The following ANO6 variants were observed in gnomAD, a reference collection of about 807,000 sequenced individuals.
ANO6 encodes anoctamin 6, also known as anoctamin-6.
ANO6 carries 106 observed loss-of-function variants against 117.5 expected under a neutral mutation model. That is an observed-to-expected ratio of 0.90 (90% CI 0.77 to 1.06). The LOEUF is 1.06. Ranked by LOEUF, ANO6 falls within the 50% of genes least tolerant of loss-of-function variation. The pLI is 0.00. For missense variants in ANO6, 955 were observed against 1,121.1 expected, an observed-to-expected ratio of 0.85 and a Z score of 2.12; for synonymous variants, 367 against 385.1, an observed-to-expected ratio of 0.95 and a Z score of 0.55.
chr12:45,388,016 C>T (rs1030429755), intron 10 of ANO6, 145 bp from the exon 11 acceptor site: 1 of 1,101,876 alleles, frequency 9.1e-7, no homozygotes, highest in Non-Finnish European at 1.3e-6. Flanking sequence ...AACCTCTTTC[C>T]TTTATGAATT....
rs900569685 is a variant in ANO6 at position 45,252,352 on chromosome 12, A to G, written c.70+35961A>G. On this transcript the variant is annotated intron_variant, in intron 1 of 19. Coordinates refer to ENST00000320560, the MANE Select transcript of ANO6 (RefSeq NM_001025356.3). ...GAGACTTGTATTTATCCTCAGTATA[A>G]CAGGTGGTGGCGTAAAGGGTTGAAA... 3.3e-5 allele frequency among the ~76,000 whole-genome samples: 5 copies of G among 152,350 alleles called. No homozygotes were observed. The East Asian group carries it at 9.6e-4, about 29-fold the overall frequency.
At chr12:45,296,422 C>T (rs1249273805) in intron 1 of ANO6, among the ~76,000 whole-genome samples, 4 of 152,212 alleles carry the variant, frequency 2.6e-5, no homozygotes, top group African/African-American at 9.6e-5. Flanking sequence ...ACACGAATGT[C>T]TTTAACCACT....
chr12:45,407,103 AAC>A (rs1417903030), intron 15 of ANO6, among the ~76,000 whole-genome samples: 1 of 152,140 alleles, frequency 6.6e-6, no homozygotes, highest in Non-Finnish European at 1.5e-5. Context: ...CTGCACTAGA[AAC>A]ACAGACCAAT....
Position 45,416,813 on chromosome 12 carries a change from A to T in ANO6, c.2126A>T (p.Gln709Leu). ...IRVDAWKLTT[Q>L]FRRLVPEKAQ... ...GTGGACGCATGGAAACTGACCACCC[A>T]GTTTAGACGCCTGGTACCAGAGAAA... is the stretch of plus-strand genomic sequence containing the variant. The change falls in exon 17 of 20, where the codon CAG becomes CTG. Residue 709 changes from glutamine (Q) to leucine (L), a missense_variant. Transcript: ENST00000320560. 1 of 1,614,162 alleles carries T rather than the reference A, an allele frequency of 6.2e-7. No homozygotes were observed. Among genetic ancestry groups the T allele is most frequent in the Non-Finnish European group, 8.5e-7 (1 of 1,180,026 alleles).
chr12:45,324,505 T>C (rs528293143), intron 2 of ANO6, among the ~76,000 whole-genome samples: 1 of 152,296 alleles, frequency 6.6e-6, no homozygotes, highest in African/African-American at 2.4e-5. Context: ...TCGTCTGAGA[T>C]TATGGCCCAG....
chr12:45,401,670 T>G lies in ANO6; in HGVS notation c.1387-125T>G, dbSNP rs561341896. The G allele has an allele frequency of 4.9e-6, 4 of 811,370 alleles. No individual in the cohort carries two copies. In the East Asian group the frequency reaches 1.0e-4, roughly 21 times the overall value. The allele number at this position is 811,370 out of a possible 1,614,324, so 50.3% of individuals were successfully genotyped here. ...AACATGCCAGACTTTCTACCACCGC[T>G]GGTATCACTTATGTGAGATTTACAT... is the stretch of plus-strand genomic sequence containing the variant. On this transcript the variant is annotated intron_variant, in intron 12 of 19. Transcript: ENST00000320560.
chr12:45,302,209 A>G, intron 2 of ANO6, 116 bp downstream of exon 2: 6 of 914,992 alleles, frequency 6.6e-6, no homozygotes, highest in Non-Finnish European at 8.8e-6. Context: ...TCCTACATAG[A>G]TCTTATTGCA....
chr12:45,379,738 A>G (rs988780547), intron 10 of ANO6, among the ~76,000 whole-genome samples: 2 of 152,198 alleles, frequency 1.3e-5, no homozygotes. Flanking sequence ...CAAGCCTCAA[A>G]TTTACTAGCT....
At chr12:45,230,376 A>G (rs1947556769) in intron 1 of ANO6, among the ~76,000 whole-genome samples, 1 of 151,482 alleles carries the variant, frequency 6.6e-6, no homozygotes, top group Non-Finnish European at 1.5e-5. Flanking sequence ...TGTAGGGATA[A>G]TACAGAAGGG....
At chr12:45,342,769 C>T (rs941528979) in intron 3 of ANO6, among the ~76,000 whole-genome samples, 10 of 152,158 alleles carry the variant, frequency 6.6e-5, no homozygotes, top group African/African-American at 2.2e-4. Flanking sequence ...GATTAAAAGA[C>T]ACCACTGAAG....
At chr12:45,335,765 A>G (rs1180131759) in intron 3 of ANO6, 1 of 151,984 alleles carries the variant, frequency 6.6e-6, no homozygotes, top group Non-Finnish European at 1.5e-5. Context: ...ACTTTTTCCA[A>G]TTACTGAAAA....
Position 45,431,562 on chromosome 12 carries a change from G to A in ANO6, c.*2251G>A, listed in dbSNP as rs554543328. 2 of 985,300 alleles carry A rather than the reference G, an allele frequency of 2.0e-6. No homozygotes were observed. Among genetic ancestry groups the A allele is most frequent in the Non-Finnish European group, 2.4e-6 (2 of 829,942 alleles). The allele number at this position is 985,300 out of a possible 1,614,324, so 61.0% of individuals were successfully genotyped here. ...AAAAAAACCCTCTACATATTGAAAG[G>A]CACCAAATGTAATATCTGACACTGT... On this transcript the variant is annotated 3_prime_UTR_variant, in exon 20 of 20. Coordinates refer to ENST00000320560, the MANE Select transcript of ANO6 (RefSeq NM_001025356.3).
rs115058478 is a variant in ANO6 at position 45,324,317 on chromosome 12, A to G, written c.151-6978A>G. Among the ~76,000 whole-genome samples the G allele has an allele frequency of 9.6e-3, 1,465 of 152,334 alleles. 25 individuals carry two copies. Among genetic ancestry groups the G allele is most frequent in the African/African-American group, 0.033 (1,379 of 41,570 alleles). ...GCATCCCTATTTCCACACCACAAAG[A>G]ACAGCCATTCTTGTAAACTGCTTTT... On this transcript the variant is annotated intron_variant, in intron 2 of 19. Transcript: ENST00000320560.
chr12:45,371,760 G>A (rs1180219940), intron 9 of ANO6, among the ~76,000 whole-genome samples: 11 of 152,296 alleles, frequency 7.2e-5, no homozygotes, highest in East Asian at 1.9e-4. Context: ...AAAGATGGGG[G>A]AAAAACAGAA....
chr12:45,329,303 A>G (rs1201004217), intron 2 of ANO6, among the ~76,000 whole-genome samples: 1 of 152,122 alleles, frequency 6.6e-6, no homozygotes, highest in African/African-American at 2.4e-5. Context: ...CTGCCAAGAG[A>G]TAGGAAACCT....
chr12:45,325,087 T>A (rs1940414912), intron 2 of ANO6, among the ~76,000 whole-genome samples: 2 of 152,320 alleles, frequency 1.3e-5, no homozygotes, highest in South Asian at 4.1e-4. Context: ...AACATACAGT[T>A]ACGAAGTCAA....
intron 17 of ANO6, among the ~76,000 whole-genome samples, chr12:45,419,365 T>G (rs1319286717): frequency 6.6e-6 from 1 of 152,178 alleles, no homozygotes; most frequent in Admixed American, 6.5e-5. Flanking sequence ...AGTGATTCTA[T>G]AAAAAGATAT....
intron 1 of ANO6, among the ~76,000 whole-genome samples, chr12:45,272,857 G>A (rs966248345): frequency 2.0e-5 from 3 of 152,126 alleles, no homozygotes; most frequent in African/African-American, 4.8e-5. Context: ...TCACACTTTT[G>A]TGTTCATTGC....
At chr12:45,376,346 T>G (rs1942016930) in intron 9 of ANO6, among the ~76,000 whole-genome samples, 1 of 131,628 alleles carries the variant, frequency 7.6e-6, no homozygotes, top group Non-Finnish European at 1.6e-5. Flanking sequence ...GCCATCCCAT[T>G]ACTGGGTATA....
Sources: allele counts gnomAD v4.1 joint callset (sites outside exome capture counted in the v4.1 genomes callset), GRCh38; gene constraint gnomAD v4.1.1; transcripts MANE v1.5; gene names NCBI Gene and HGNC (gene_info 2026-07-23, HGNC 2026-07-21).